The following MCC variants were observed in gnomAD, a reference collection of about 807,000 sequenced individuals.
MCC encodes MCC regulator of Wnt signaling pathway.
In MCC, 90 loss-of-function variants were observed where a neutral mutation model predicts 116.2. The ratio of observed to expected loss-of-function variants is 0.77; its 90% CI spans 0.65 to 0.92. The LOEUF (loss-of-function observed/expected upper bound fraction) is 0.92, where lower values mean the gene tolerates loss of function less well. Ranked by LOEUF, MCC falls within the 40% of genes least tolerant of loss-of-function variation. The probability of loss-of-function intolerance (pLI) is 0.00; values close to 1 mark genes in which losing one functional copy is unlikely to be tolerated. For missense variants in MCC, 1,516 were observed against 1,312.2 expected (o/e 1.16, Z -2.40); for synonymous variants, 578 against 510.5 (o/e 1.13, Z -1.78).
At chr5:113,419,665 T>A (rs1408831807) in intron 1 of MCC, among the ~76,000 whole-genome samples, 1 of 151,652 alleles carries the variant, frequency 6.6e-6, no homozygotes, top group African/African-American at 2.4e-5. Flanking sequence ...ATGTGGCACA[T>A]ATACACCATG....
At chr5:113,151,037 C>G (rs974916890) in intron 4 of MCC, among the ~76,000 whole-genome samples, 1 of 152,210 alleles carries the variant, frequency 6.6e-6, no homozygotes, top group Non-Finnish European at 1.5e-5. Flanking sequence ...GAGCAAGACT[C>G]TGCCTCAAGA....
chr5:113,043,500 C>T, intron 17 of MCC, 30 bp downstream of exon 17: 2 of 1,591,538 alleles, frequency 1.3e-6, no homozygotes, highest in Non-Finnish European at 1.7e-6. Context: ...CCAGGATAAA[C>T]ACCAGCTGGG....
chr5:113,231,313 A>G (rs1309780768), intron 3 of MCC, among the ~76,000 whole-genome samples: 1 of 152,180 alleles, frequency 6.6e-6, no homozygotes, highest in Admixed American at 6.6e-5. Context: ...TCTTTAATTT[A>G]GGAGTTCAGT....
chr5:113,025,870 C>T lies in MCC; in HGVS notation c.*1432G>A, dbSNP rs892609707. Reference sequence around the variant, plus strand: ...ATCATGCTCTGAAAATAGACCTACCCGTAGCTTATGGACATAAAGACTCTA... The same window carrying T: ...ATCATGCTCTGAAAATAGACCTACCTGTAGCTTATGGACATAAAGACTCTA... On this transcript the variant is annotated 3_prime_UTR_variant, in exon 19 of 19. Coordinates refer to ENST00000408903, the MANE Select transcript of MCC (RefSeq NM_001085377.2). 6.6e-6 allele frequency: 1 copy of T among 152,124 alleles called. No homozygotes were observed. Among genetic ancestry groups the T allele is most frequent in the East Asian group, 1.9e-4 (1 of 5,188 alleles). The allele number at this position is 152,124 out of a possible 1,614,324, so 9.4% of individuals were successfully genotyped here. A position where few individuals can be genotyped will look rare whatever the true frequency, so the allele number is the denominator to read the frequency against.
At chr5:113,402,310 A>AC (rs1554081341) in intron 1 of MCC, among the ~76,000 whole-genome samples, 126 of 144,314 alleles carry the variant, frequency 8.7e-4, no homozygotes, top group African/African-American at 3.1e-3. Flanking sequence ...AAAAAAAAAA[A>AC]ACACACTCAG....
rs556621372 is a variant in MCC, at chr5:113,124,909, A to T, written c.885-2083T>A. On this transcript the variant is annotated intron_variant, in intron 5 of 18. Coordinates refer to ENST00000408903, the MANE Select transcript of MCC (RefSeq NM_001085377.2). ...CACTGGTGGAATATCTGGGGCTGCC[A>T]GTGGGGAGTGACCAAAGAAGACCTC... 1.1e-3 allele frequency among the ~76,000 whole-genome samples: 171 copies of T among 152,358 alleles called. 1 individual carries two copies. The highest frequency in any genetic ancestry group is 3.9e-3 in the African/African-American group (161 of 41,594).
chr5:113,423,863 G>C (rs757579234), intron 1 of MCC, among the ~76,000 whole-genome samples: 40 of 152,082 alleles, frequency 2.6e-4, no homozygotes, highest in Non-Finnish European at 4.3e-4. Context: ...CGTAGGATAA[G>C]GTTATCATCC....
chr5:113,466,397 T>C (rs1249369698), intron 1 of MCC, among the ~76,000 whole-genome samples: 2 of 143,228 alleles, frequency 1.4e-5, no homozygotes, highest in East Asian at 2.2e-4. Flanking sequence ...TGTGTTCTCA[T>C]TGTTCAATTC....
rs1233678717 is a variant in MCC at position 113,024,749 on chromosome 5, AGT to A, written c.*2551_*2552del. ...GAACCTGCAAGCATTTAATTTAATCAGTATAGTTTAGTTCAGTAGCTCCCACA... is the reference window on the plus strand; with the variant it reads ...GAACCTGCAAGCATTTAATTTAATCAATAGTTTAGTTCAGTAGCTCCCACA... On this transcript the variant is annotated 3_prime_UTR_variant, in exon 19 of 19. Transcript: ENST00000408903. The A allele has an allele frequency of 7.4e-4, 21 of 28,372 alleles. No homozygotes were observed. The African/African-American group carries it at 8.0e-3, about 11-fold the overall frequency. The allele number at this position is 28,372 out of a possible 1,614,324, so 1.8% of individuals were successfully genotyped here.
At chr5:113,159,291 C>T (rs976786623) in intron 3 of MCC, among the ~76,000 whole-genome samples, 1 of 152,132 alleles carries the variant, frequency 6.6e-6, no homozygotes, top group Non-Finnish European at 1.5e-5. Context: ...TTTATTTGTC[C>T]ACTGGTCCCA....
At chr5:113,053,465 C>T (rs1752614139) in intron 15 of MCC, among the ~76,000 whole-genome samples, 1 of 152,166 alleles carries the variant, frequency 6.6e-6, no homozygotes, top group South Asian at 2.1e-4. Flanking sequence ...TCTGACCTGG[C>T]TTCTCTTAGA....
At chr5:113,139,456 C>A (rs1352275789) in intron 5 of MCC, among the ~76,000 whole-genome samples, 1 of 152,058 alleles carries the variant, frequency 6.6e-6, no homozygotes, top group Non-Finnish European at 1.5e-5. Flanking sequence ...GGTCTAGAAC[C>A]CTTAGTTCCT....
intron 12 of MCC, among the ~76,000 whole-genome samples, chr5:113,070,235 G>C (rs180822022): frequency 6.6e-6 from 1 of 152,292 alleles, no homozygotes; most frequent in Admixed American, 6.5e-5. Context: ...CTTTTTAGAG[G>C]ATGCTAAGTG....
chr5:113,247,453 A>T lies in MCC; in HGVS notation c.627+93066T>A, dbSNP rs532539499. On this transcript the variant is annotated intron_variant, in intron 3 of 18. Transcript: ENST00000408903. ...GCAGGAAAACTACAGAATGCTTTCA[A>T]TGGCAAGCTAAGGAATTGAGACTAT... Among the ~76,000 whole-genome samples, 3 of 152,358 alleles carry T rather than the reference A, an allele frequency of 2.0e-5. No individual in the cohort carries two copies. In the South Asian group the frequency reaches 6.2e-4, roughly 32 times the overall value.
At chr5:113,313,218 G>A (rs899947721) in intron 3 of MCC, among the ~76,000 whole-genome samples, 4 of 152,038 alleles carry the variant, frequency 2.6e-5, no homozygotes, top group Admixed American at 6.5e-5. Context: ...GTGGTGGTGC[G>A]CACCTATAAT....
rs545037954 is a variant in MCC at position 113,385,055 on chromosome 5, C to T, written c.328G>A (p.Asp110Asn). The T allele has an allele frequency of 3.1e-6, 5 of 1,614,210 alleles. No individual in the cohort carries two copies. In the African/African-American group the frequency reaches 6.7e-5, roughly 22 times the overall value. ...LVREIRKEEVDLSAKSDNSCT... is the reference protein window; with the variant it reads ...LVREIRKEEVNLSAKSDNSCT... ...GAGTTGTCTGACTTTGCAGAAAGAT[C>T]TACTTCCTCCTTCCTAATTTCTCGA... The change falls in exon 2 of 19, where the codon GAT becomes AAT. Residue 110 changes from aspartate (D) to asparagine (N), a missense_variant. Physicochemically the swap from Asp to Asn is conservative, Grantham distance 23. Coordinates refer to ENST00000408903, the MANE Select transcript of MCC (RefSeq NM_001085377.2).
intron 1 of MCC, among the ~76,000 whole-genome samples, chr5:113,409,116 C>A (rs1769911152): frequency 6.6e-6 from 1 of 152,166 alleles, no homozygotes; most frequent in South Asian, 2.1e-4. Context: ...TGAAGCAACA[C>A]AGAGATCGAG....
At chr5:113,367,894 G>C (rs541837284) in intron 2 of MCC, among the ~76,000 whole-genome samples, 27 of 152,222 alleles carry the variant, frequency 1.8e-4, no homozygotes, top group Non-Finnish European at 3.2e-4. Flanking sequence ...ACTGAGGGGG[G>C]ACACTGCAAC....
At chr5:113,447,809 CA>C (rs1771265046) in intron 1 of MCC, among the ~76,000 whole-genome samples, 1 of 151,990 alleles carries the variant, frequency 6.6e-6, no homozygotes. Context: ...GCATTGATGC[CA>C]AAAGTCCAGC....
Sources: allele counts gnomAD v4.1 joint callset (sites outside exome capture counted in the v4.1 genomes callset), GRCh38; gene constraint gnomAD v4.1.1; transcripts MANE v1.5; gene names NCBI Gene and HGNC (gene_info 2026-07-23, HGNC 2026-07-21).